The following FIGN variants were observed in gnomAD, a reference collection of about 807,000 sequenced individuals.
FIGN encodes fidgetin, microtubule severing factor.
Under a neutral mutation model 51.3 loss-of-function variants are expected in FIGN, and 11 were observed. That is an observed-to-expected ratio of 0.21 (90% CI 0.13 to 0.35). FIGN has a LOEUF of 0.35. Among genes scored for constraint, FIGN ranks in the 10% least tolerant of loss-of-function variants. The pLI is 1.00. For missense variants in FIGN, 857 were observed against 943.6 expected, an observed-to-expected ratio of 0.91 and a Z score of 1.20; for synonymous variants, 407 against 363.2, an observed-to-expected ratio of 1.12 and a Z score of -1.37.
chr2:163,651,480 A>G (rs946127471), intron 2 of FIGN, among the ~76,000 whole-genome samples: 3 of 152,192 alleles, frequency 2.0e-5, no homozygotes, highest in Admixed American at 2.0e-4. Flanking sequence ...CACAAAAAAA[A>G]GTTCAACTGT....
At chr2:163,709,968 A>G (rs1684562146) in intron 2 of FIGN, among the ~76,000 whole-genome samples, 1 of 152,198 alleles carries the variant, frequency 6.6e-6, no homozygotes. Context: ...TAATAATACA[A>G]ATATTAATTG....
rs559225919 is a variant in FIGN at position 163,646,537 on chromosome 2, A to AT, written c.26-34732dup. 5.6e-3 allele frequency among the ~76,000 whole-genome samples: 860 copies of AT among 152,244 alleles called. 10 individuals are homozygous for AT. Among genetic ancestry groups the AT allele is most frequent in the South Asian group, 0.017 (83 of 4,820 alleles). On this transcript the variant is annotated intron_variant, in intron 2 of 2. Transcript: ENST00000333129. Reference sequence around the variant, plus strand: ...TCTCAAGATTTTACCTGATTTTATTATTTTTTTAAAAAAAGACAGCTATAT... The same window carrying AT: ...TCTCAAGATTTTACCTGATTTTATTATTTTTTTTAAAAAAAGACAGCTATAT...
chr2:163,699,973 T>C (rs374925817), intron 2 of FIGN, among the ~76,000 whole-genome samples: 52 of 152,284 alleles, frequency 3.4e-4, no homozygotes, highest in African/African-American at 1.2e-3. Flanking sequence ...CATGTTATTT[T>C]TGTGTTACCC....
Position 163,607,694 on chromosome 2 carries a change from T to C in FIGN, c.*1858A>G, listed in dbSNP as rs1037949327. 1 of 152,590 alleles carries C rather than the reference T, an allele frequency of 6.6e-6. No homozygotes were observed. Among genetic ancestry groups the C allele is most frequent in the African/African-American group, 2.4e-5 (1 of 41,446 alleles). 9.5% of individuals were successfully genotyped at this position (152,590 alleles called of 1,614,324 possible). A position where few individuals can be genotyped will look rare whatever the true frequency, so the allele number is the denominator to read the frequency against. On this transcript the variant is annotated 3_prime_UTR_variant, in exon 3 of 3. Coordinates refer to ENST00000333129, the MANE Select transcript of FIGN (RefSeq NM_018086.4). Reference sequence around the variant, plus strand: ...ATTGAATACATAAAATGCCAGTGCTTTGCAACAGTTTTGTTACTGCATCTC... The same window carrying C: ...ATTGAATACATAAAATGCCAGTGCTCTGCAACAGTTTTGTTACTGCATCTC...
intron 2 of FIGN, among the ~76,000 whole-genome samples, chr2:163,616,721 T>A (rs1324395909): frequency 6.6e-6 from 1 of 152,172 alleles, no homozygotes; most frequent in Non-Finnish European, 1.5e-5. Context: ...ATTAATATAA[T>A]ATTAGCAAGG....
At chr2:163,717,570 G>GA (rs1228924004) in intron 2 of FIGN, among the ~76,000 whole-genome samples, 4 of 151,932 alleles carry the variant, frequency 2.6e-5, no homozygotes, top group South Asian at 2.1e-4. Flanking sequence ...CTTTCAGAGG[G>GA]AAAAAAAGCT....
At chr2:163,639,350 A>C (rs1351095935) in intron 2 of FIGN, among the ~76,000 whole-genome samples, 2 of 152,190 alleles carry the variant, frequency 1.3e-5, no homozygotes, top group Admixed American at 6.5e-5. Context: ...TTTTTCAAGT[A>C]AGATCACTTC....
chr2:163,729,363 T>C lies in FIGN; in HGVS notation c.25+5540A>G, dbSNP rs62175892. Among the ~76,000 whole-genome samples, 595 of 152,050 alleles carry C rather than the reference T, an allele frequency of 3.9e-3. 2 individuals are homozygous for C. Among genetic ancestry groups the C allele is most frequent in the Non-Finnish European group, 6.1e-3 (417 of 67,942 alleles). On this transcript the variant is annotated intron_variant, in intron 2 of 2. Transcript: ENST00000333129. ...TAAAATACCAGCAGAAATTAAAACA[T>C]AGCAAAGAAAGAGAGTAAAGGTATT...
intron 2 of FIGN, 123 bp from the exon 3 acceptor site, chr2:163,611,929 T>C (rs1239579114): frequency 1.2e-5 from 8 of 690,048 alleles, no homozygotes; most frequent in Non-Finnish European, 1.9e-5. Context: ...CTTTAAAAGA[T>C]CTACACTGTT....
At chr2:163,690,399 T>A (rs1011220942) in intron 2 of FIGN, among the ~76,000 whole-genome samples, 4 of 151,940 alleles carry the variant, frequency 2.6e-5, no homozygotes, top group African/African-American at 9.7e-5. Flanking sequence ...GGACTAGCAA[T>A]CTCCAGCAGC....
intron 2 of FIGN, among the ~76,000 whole-genome samples, chr2:163,666,953 G>T (rs1683785203): frequency 6.6e-6 from 1 of 151,494 alleles, no homozygotes; most frequent in South Asian, 2.1e-4. Context: ...TTATGTGTGT[G>T]TATGTGTATA....
intron 2 of FIGN, among the ~76,000 whole-genome samples, chr2:163,686,364 C>CACTTAAT (rs1489474124): frequency 6.6e-6 from 1 of 152,134 alleles, no homozygotes; most frequent in Non-Finnish European, 1.5e-5. Flanking sequence ...ATTAAATGTA[C>CACTTAAT]ACTTAATGTG....
intron 2 of FIGN, among the ~76,000 whole-genome samples, chr2:163,724,923 T>G (rs1290317131): frequency 6.6e-6 from 1 of 152,210 alleles, no homozygotes; most frequent in East Asian, 1.9e-4. Context: ...TGATTCTTAA[T>G]AACTGATAAG....
rs1691199807 is a variant in FIGN at position 163,609,986 on chromosome 2, C to T, written c.1846G>A (p.Val616Ile). ...ATTTGGTCCTCAGCCGAAGTTAGTA[C>T]AGTGTCCAGTTGCATCAGAAATTCG... ...RTEFLMQLDT[V>I]LTSAEDQIVV... is the part of the protein sequence containing the mutation. Residue 616 changes from valine (V) to isoleucine (I), a missense_variant, in exon 3 of 3, where the codon GTA (valine) becomes ATA (isoleucine). Val to Ile is a conservative substitution (Grantham distance 29). This residue lies in a region of FIGN where 799 missense variants were observed against 849.5 expected (regional missense o/e 0.94). Transcript: ENST00000333129. The T allele has an allele frequency of 2.5e-6, 4 of 1,614,094 alleles. No homozygotes were observed. The highest frequency in any genetic ancestry group is 1.1e-5 in the South Asian group (1 of 91,084).
At chr2:163,688,297 T>C (rs1480130743) in intron 2 of FIGN, among the ~76,000 whole-genome samples, 1 of 152,182 alleles carries the variant, frequency 6.6e-6, no homozygotes, top group Admixed American at 6.6e-5. Flanking sequence ...GAAGACATGG[T>C]CCTAGGTCTG....
At chr2:163,625,679 T>A (rs182163304) in intron 2 of FIGN, among the ~76,000 whole-genome samples, 120 of 152,166 alleles carry the variant, frequency 7.9e-4, no homozygotes, top group Non-Finnish European at 1.3e-3. Context: ...ATAGAATATA[T>A]CTTGAGGCAT....
chr2:163,617,499 A>G (rs779484531), intron 2 of FIGN, among the ~76,000 whole-genome samples: 12 of 152,308 alleles, frequency 7.9e-5, no homozygotes, highest in Middle Eastern at 6.8e-3. Flanking sequence ...CTTTAAAATG[A>G]CCTAACCATT....
intron 2 of FIGN, among the ~76,000 whole-genome samples, chr2:163,624,700 A>ATATATG (rs1683027444): frequency 7.5e-6 from 1 of 133,814 alleles, no homozygotes; most frequent in Admixed American, 7.5e-5. Context: ...ACATATATAT[A>ATATATG]TATATATATT....
chr2:163,644,611 C>T (rs1456751926), intron 2 of FIGN, among the ~76,000 whole-genome samples: 3 of 152,108 alleles, frequency 2.0e-5, no homozygotes, highest in Non-Finnish European at 4.4e-5. Context: ...AACACATCCA[C>T]ATAAAAACTT....
Sources: gnomAD v4.1 joint callset for allele counts (sites outside exome capture counted in the v4.1 genomes callset) on GRCh38, gnomAD v4.1.1 for gene constraint, gnomAD v4.1.1 regional missense constraint, MANE v1.5 for transcripts, NCBI Gene and HGNC (gene_info 2026-07-23, HGNC 2026-07-21) for gene names.